CACNA1B: variants seen among roughly 807,000 people sequenced by gnomAD.
The protein encoded by CACNA1B is voltage-dependent N-type calcium channel subunit alpha-1B.
In CACNA1B, 70 loss-of-function variants were observed where a neutral mutation model predicts 247.2. The ratio of observed to expected loss-of-function variants is 0.28; its 90% confidence interval spans 0.23 to 0.35. The LOEUF is 0.35. Among genes scored for constraint, CACNA1B ranks in the 10% least tolerant of loss-of-function variants. The pLI, the probability that CACNA1B is intolerant of heterozygous loss-of-function variation, is 1.00. For synonymous variants in CACNA1B, 1,231 were observed against 1,294.4 expected (o/e 0.95, Z 1.05); for missense variants, 2,367 against 3,197.4 (o/e 0.74, Z 6.26).
chr9:138,032,221 A>G (rs1327501141), intron 20 of CACNA1B, among the ~76,000 whole-genome samples: 1 of 152,076 alleles, frequency 6.6e-6, no homozygotes, highest in Non-Finnish European at 1.5e-5. Context: ...CATTATATAT[A>G]CATAACTTAC....
intron 15 of CACNA1B, among the ~76,000 whole-genome samples, chr9:138,000,356 C>T (rs1021675343): frequency 2.0e-5 from 3 of 152,106 alleles, no homozygotes; most frequent in African/African-American, 4.8e-5. Flanking sequence ...CCTTGGCCTC[C>T]CAAAGTGCTG....
chr9:138,098,062 C>T (rs1023113978), intron 37 of CACNA1B, among the ~76,000 whole-genome samples: 7 of 152,230 alleles, frequency 4.6e-5, no homozygotes, highest in Non-Finnish European at 8.8e-5. Context: ...CACACAGCAT[C>T]TCTGTGGGTG....
chr9:137,986,933 C>A lies in CACNA1B; in HGVS notation c.1974+79C>A, dbSNP rs1958370274. On this transcript the variant is annotated intron_variant, in intron 15 of 46. Coordinates refer to ENST00000371372, the MANE Select transcript of CACNA1B (RefSeq NM_000718.4). This position sits in a 1 kb window ranked among gnomAD's most constrained non-coding sequence, Gnocchi z 6.0. Reference sequence around the variant, plus strand: ...GTGCTGGGAAGGCGGACTCTCCTGTCATTCCCTCCCTTGTTCCTCCACACG... The same window carrying A: ...GTGCTGGGAAGGCGGACTCTCCTGTAATTCCCTCCCTTGTTCCTCCACACG... The A allele has an allele frequency of 5.9e-6, 6 of 1,022,120 alleles. No homozygotes were observed. Among genetic ancestry groups the A allele is most frequent in the Non-Finnish European group, 9.3e-6 (6 of 644,820 alleles). 63.3% of individuals were successfully genotyped at this position (1,022,120 alleles called of 1,614,324 possible).
chr9:138,013,996 C>T (rs1055907171), intron 18 of CACNA1B, among the ~76,000 whole-genome samples: 1 of 152,286 alleles, frequency 6.6e-6, no homozygotes, highest in Admixed American at 6.5e-5. Context: ...CCCACACCTC[C>T]CATTCCCCAT....
intron 6 of CACNA1B, among the ~76,000 whole-genome samples, chr9:137,921,746 G>A (rs1159881275): frequency 5.4e-5 from 8 of 147,784 alleles, no homozygotes; most frequent in Non-Finnish European, 4.5e-5. Context: ...TAAAGCGTTC[G>A]GAGAACACGA....
intron 20 of CACNA1B, among the ~76,000 whole-genome samples, chr9:138,040,098 C>T (rs750757286): frequency 2.0e-5 from 3 of 152,106 alleles, no homozygotes; most frequent in Non-Finnish European, 4.4e-5. Flanking sequence ...CCACCATACC[C>T]AGCTAATTTT....
chr9:138,096,596 A>G lies in CACNA1B; in HGVS notation c.5207A>G (p.Tyr1736Cys). The G allele has an allele frequency of 6.2e-7, 1 of 1,612,342 alleles. No individual in the cohort carries two copies. The highest frequency in any genetic ancestry group is 2.2e-5 in the East Asian group (1 of 44,800). ...GAGTTCATCCGGGTCTGGGCTGAATACGACCCGGCTGCGTGGTAAGTGAGC... is the reference window on the plus strand; with the variant it reads ...GAGTTCATCCGGGTCTGGGCTGAATGCGACCCGGCTGCGTGGTAAGTGAGC... ...LDEFIRVWAE[Y>C]DPAACGRISY... Residue 1736 changes from tyrosine (Y) to cysteine (C), a missense_variant, in exon 37 of 47, where the codon TAC becomes TGC. Physicochemically the swap from Tyr to Cys is radical, Grantham distance 194. This residue lies in a region of CACNA1B where 55 missense variants were observed against 107.8 expected (regional missense o/e 0.51). Transcript: ENST00000371372.
chr9:138,070,381 G>A (rs1960082489), intron 32 of CACNA1B, among the ~76,000 whole-genome samples: 1 of 152,224 alleles, frequency 6.6e-6, no homozygotes, highest in Admixed American at 6.5e-5. Flanking sequence ...AGGGGGCTCT[G>A]CCCCTAGAGG....
chr9:137,936,087 G>A (rs1400020977), intron 6 of CACNA1B, among the ~76,000 whole-genome samples: 1 of 152,206 alleles, frequency 6.6e-6, no homozygotes, highest in African/African-American at 2.4e-5. Context: ...TTGATCTCCT[G>A]ACCTTGTGAT....
chr9:137,945,539 C>T (rs998392218), intron 6 of CACNA1B, among the ~76,000 whole-genome samples: 13 of 152,348 alleles, frequency 8.5e-5, no homozygotes, highest in Admixed American at 4.6e-4. Context: ...CTGAAGGCCC[C>T]GACTTCTAGC....
At chr9:137,878,319 G>A in intron 1 of CACNA1B, 102 bp downstream of exon 1, 1 of 1,063,140 alleles carries the variant, frequency 9.4e-7, no homozygotes, top group Non-Finnish European at 1.2e-6. Flanking sequence ...ACCTGGGGAG[G>A]CGTCGGGAGA....
At chr9:138,006,955 G>A (rs1269416849) in intron 16 of CACNA1B, 71 bp downstream of exon 16, 2 of 788,130 alleles carry the variant, frequency 2.5e-6, no homozygotes, top group Non-Finnish European at 4.4e-6. Context: ...GCCACCACGC[G>A]GATCCCTCCA....
At chr9:137,912,214 C>G (rs1360491301) in intron 3 of CACNA1B, among the ~76,000 whole-genome samples, 2 of 152,228 alleles carry the variant, frequency 1.3e-5, no homozygotes, top group African/African-American at 2.4e-5. Flanking sequence ...ATGCGTGATA[C>G]TCAAAGCTAT....
At chr9:138,105,257 C>T (rs1301180528) in intron 38 of CACNA1B, among the ~76,000 whole-genome samples, 1 of 152,224 alleles carries the variant, frequency 6.6e-6, no homozygotes, top group African/African-American at 2.4e-5. Flanking sequence ...CCTGGACCAC[C>T]TACTCCTTGT....
rs1238621237 is a variant in CACNA1B, at chr9:137,973,402, C to T, written c.1543+1810C>T. 1.3e-5 allele frequency among the ~76,000 whole-genome samples: 2 copies of T among 152,154 alleles called. No individual in the cohort carries two copies. Among genetic ancestry groups the T allele is most frequent in the South Asian group, 2.1e-4 (1 of 4,830 alleles). ...AGCCTAGAGCAGCTTTGCAGGGGCT[C>T]ATCGTGGGTTCTGTGCACCTCGGCT... On this transcript the variant is annotated intron_variant, in intron 11 of 46. Coordinates refer to ENST00000371372, the MANE Select transcript of CACNA1B (RefSeq NM_000718.4). The surrounding 1 kb of genome is among the most constrained non-coding windows in gnomAD (Gnocchi z 4.1).
chr9:138,024,659 C>T (rs926610772), intron 19 of CACNA1B, among the ~76,000 whole-genome samples: 3 of 152,068 alleles, frequency 2.0e-5, no homozygotes, highest in African/African-American at 4.8e-5. Context: ...GAGACAGGAC[C>T]GCACTGTCGC....
chr9:137,883,662 G>C (rs1956960916), intron 3 of CACNA1B, among the ~76,000 whole-genome samples: 1 of 151,906 alleles, frequency 6.6e-6, no homozygotes, highest in African/African-American at 2.4e-5. Context: ...CTGGTGTGGA[G>C]AGTGGTGGCT....
At chr9:137,923,689 T>C (rs1445777853) in intron 6 of CACNA1B, among the ~76,000 whole-genome samples, 2 of 152,248 alleles carry the variant, frequency 1.3e-5, no homozygotes, top group African/African-American at 2.4e-5. Context: ...TTTCTAGGTA[T>C]AGTAGTTGCA....
intron 36 of CACNA1B, among the ~76,000 whole-genome samples, chr9:138,093,800 A>T (rs1960964024): frequency 6.6e-6 from 1 of 152,186 alleles, no homozygotes; most frequent in Admixed American, 6.5e-5. Flanking sequence ...ATGTGGAGAA[A>T]TTTCAACCCT....
Sources: gnomAD v4.1 joint callset for allele counts (sites outside exome capture counted in the v4.1 genomes callset) on GRCh38, gnomAD v4.1.1 for gene constraint, gnomAD v4.1.1 regional missense constraint, Gnocchi (gnomAD v3.1) non-coding constraint, MANE v1.5 for transcripts, NCBI Gene and HGNC (gene_info 2026-07-23, HGNC 2026-07-21) for gene names.